Variants in CPS1 observed in about 807,000 individuals in gnomAD.
CPS1 encodes the protein carbamoyl-phosphate synthase 1.
In CPS1, 109 loss-of-function variants were observed where a neutral mutation model predicts 174.6. The observed-to-expected ratio is 0.62, with a 90% CI of 0.53 to 0.73. CPS1 has a LOEUF of 0.73. Among genes scored for constraint, CPS1 ranks in the 30% least tolerant of loss-of-function variants. The pLI is 0.00. For missense variants in CPS1, 1,689 were observed against 1,821.9 expected (o/e 0.93, Z 1.33); for synonymous variants, 637 against 632.0 (o/e 1.01, Z -0.12).
At chr2:210,522,079 T>G (rs772022713) in intron 1 of CPS1, among the ~76,000 whole-genome samples, 28 of 151,946 alleles carry the variant, frequency 1.8e-4, no homozygotes, top group Non-Finnish European at 3.7e-4. Context: ...TTAGGAGGTC[T>G]TTTAGTTTTT....
intron 1 of CPS1, among the ~76,000 whole-genome samples, chr2:210,558,495 G>A (rs1696992654): frequency 6.6e-6 from 1 of 152,004 alleles, no homozygotes; most frequent in Non-Finnish European, 1.5e-5. Flanking sequence ...AGGTACTCAT[G>A]TATCAGTTCA....
intron 10 of CPS1, 84 bp from the exon 11 acceptor site, chr2:210,592,795 C>T: frequency 7.5e-7 from 1 of 1,342,030 alleles, no homozygotes; most frequent in South Asian, 1.2e-5. Context: ...TAAATTTGAG[C>T]TTTATTGTTC....
intron 6 of CPS1, among the ~76,000 whole-genome samples, chr2:210,587,452 A>G (rs1208291300): frequency 6.6e-6 from 1 of 152,090 alleles, no homozygotes; most frequent in Admixed American, 6.6e-5. Flanking sequence ...ATAGATAATG[A>G]TTATGATATG....
At chr2:210,557,823 A>T (rs1696965642) in intron 1 of CPS1, among the ~76,000 whole-genome samples, 1 of 152,052 alleles carries the variant, frequency 6.6e-6, no homozygotes, top group Non-Finnish European at 1.5e-5. Context: ...TATACTTTGC[A>T]TGCTCATTGA....
chr2:210,509,837 T>C (rs192088348), intron 1 of CPS1, among the ~76,000 whole-genome samples: 8 of 152,176 alleles, frequency 5.3e-5, no homozygotes, highest in East Asian at 3.9e-4. Context: ...AGGACCTCTT[T>C]AAGGAGAACT....
At chr2:210,645,353 A>G (rs1700347871) in intron 25 of CPS1, among the ~76,000 whole-genome samples, 1 of 152,212 alleles carries the variant, frequency 6.6e-6, no homozygotes, top group African/African-American at 2.4e-5. Context: ...TAGTTTTTTA[A>G]AAATAGCTTT....
In CPS1 at chr2:210,647,870, G is replaced by A. The variant is rs746685859; in HGVS notation, c.3149G>A (p.Gly1050Asp). 5.0e-6 allele frequency: 8 copies of A among 1,613,986 alleles called. No homozygotes were observed. The Admixed American group carries it at 1.0e-4, about 20-fold the overall frequency. ...ILDIYHQEACGGCIISVGGQI... is the reference protein window; with the variant it reads ...ILDIYHQEACDGCIISVGGQI... ...TGTGAGTGTATTTTCCAGGCATGTG[G>A]TGGCTGCATCATATCAGTTGGAGGC... Residue 1050 changes from glycine to aspartate, a missense_variant, in exon 26 of 38, where the codon GGT becomes GAT. Transcript: ENST00000233072.
chr2:210,559,599 T>C (rs1160066495), intron 1 of CPS1, among the ~76,000 whole-genome samples: 1 of 152,170 alleles, frequency 6.6e-6, no homozygotes, highest in Non-Finnish European at 1.5e-5. Flanking sequence ...TAAAAAGTTT[T>C]AGATACCATA....
intron 34 of CPS1, among the ~76,000 whole-genome samples, chr2:210,670,517 TA>T (rs1195156445): frequency 3.3e-5 from 5 of 152,296 alleles, no homozygotes; most frequent in Admixed American, 3.3e-4. Context: ...TTCCATATTT[TA>T]GGATACATTG....
chr2:210,642,344 T>C, intron 24 of CPS1, 140 bp from the exon 25 acceptor site: 2 of 989,350 alleles, frequency 2.0e-6, no homozygotes, highest in Non-Finnish European at 3.1e-6. Flanking sequence ...GTTTGAAATT[T>C]ATATCTTGGA....
chr2:210,521,432 T>C (rs879350070), intron 1 of CPS1, among the ~76,000 whole-genome samples: 5 of 151,922 alleles, frequency 3.3e-5, no homozygotes, highest in Admixed American at 3.3e-4. Flanking sequence ...TTGAGGATCA[T>C]TGAGCTTGCT....
intron 26 of CPS1, 80 bp from the exon 27 acceptor site, chr2:210,648,393 T>C: frequency 8.2e-7 from 1 of 1,218,094 alleles, no homozygotes; most frequent in Admixed American, 1.7e-5. Flanking sequence ...GGGCTACCAC[T>C]CGAGCTAATG....
At chr2:210,609,694 G>A (rs1338071823) in intron 19 of CPS1, among the ~76,000 whole-genome samples, 1 of 151,768 alleles carries the variant, frequency 6.6e-6, no homozygotes, top group African/African-American at 2.4e-5. Flanking sequence ...TTTAGTCTAT[G>A]TATCTAAGTT....
chr2:210,541,301 C>T (rs541534993), intron 1 of CPS1, among the ~76,000 whole-genome samples: 1 of 152,290 alleles, frequency 6.6e-6, no homozygotes, highest in Admixed American at 6.5e-5. Flanking sequence ...GCCAATCAAA[C>T]TGTCCTCCCA....
upstream of CPS1, among the ~76,000 whole-genome samples, chr2:210,553,050 C>G (rs1019720332): frequency 6.6e-6 from 1 of 151,658 alleles, no homozygotes; most frequent in Admixed American, 6.6e-5. Context: ...AAATAGTAAT[C>G]AAATATGGCA....
At chr2:210,553,130 G>T (rs969366314), upstream of CPS1, among the ~76,000 whole-genome samples, 2 of 151,386 alleles carry the variant, frequency 1.3e-5, no homozygotes, top group African/African-American at 4.8e-5. Context: ...TGTTTTAAAA[G>T]AACTTTGTAA....
Position 210,639,173 on chromosome 2 carries a change from C to A in CPS1, c.2853C>A (p.Tyr951Ter), listed in dbSNP as rs1028099185. ...VKQIDTLAAE[Y>*]PSVTNYLYVT... Reference sequence around the variant, plus strand: ...AGATTGATACACTGGCTGCAGAATACCCATCAGTAACAAACTATCTCTATG... The same window carrying A: ...AGATTGATACACTGGCTGCAGAATAACCATCAGTAACAAACTATCTCTATG... Residue 951 changes from tyrosine to a stop codon, truncating the protein, a stop_gained, in exon 23 of 38, where the codon TAC becomes TAA. Transcript: ENST00000233072. LOFTEE classifies it high-confidence loss of function. The A allele has an allele frequency of 6.2e-7, 1 of 1,612,816 alleles. No homozygotes were observed. Among genetic ancestry groups the A allele is most frequent in the Non-Finnish European group, 8.5e-7 (1 of 1,178,914 alleles).
intron 13 of CPS1, among the ~76,000 whole-genome samples, chr2:210,597,431 T>A (rs1432754635): frequency 1.3e-5 from 2 of 151,828 alleles, no homozygotes; most frequent in Non-Finnish European, 2.9e-5. Flanking sequence ...AATTTCTTCA[T>A]CCAAAAGGTT....
chr2:210,514,889 T>C (rs75752254), intron 1 of CPS1, among the ~76,000 whole-genome samples: 1,971 of 149,896 alleles, frequency 0.013, 22 homozygotes, highest in Non-Finnish European at 0.021. Context: ...TTTGTTGAGT[T>C]TTTTTTTTTA....
Sources: allele counts gnomAD v4.1 joint callset (sites outside exome capture counted in the v4.1 genomes callset), GRCh38; gene constraint gnomAD v4.1.1; transcripts MANE v1.5; gene names NCBI Gene and HGNC (gene_info 2026-07-23, HGNC 2026-07-21).